WTIP: variants seen among roughly 807,000 people sequenced by gnomAD.
WTIP encodes WT1 interacting protein, also known as Wilms tumor protein 1-interacting protein.
In WTIP, 23 loss-of-function variants were observed where a neutral mutation model predicts 41.7. The observed-to-expected ratio is 0.55, with a 90% CI of 0.40 to 0.78. The LOEUF (loss-of-function observed/expected upper bound fraction) is 0.78. Among genes scored for constraint, WTIP ranks in the 30% least tolerant of loss-of-function variants. The pLI is 0.00. For synonymous variants in WTIP, 314 were observed against 269.9 expected (o/e 1.16, Z -1.60); for missense variants, 619 against 610.5 (o/e 1.01, Z -0.15).
In WTIP at chr19:34,493,172, G is replaced by A. The variant is rs1007067858; in HGVS notation, c.837+68G>A. 6.8e-6 allele frequency: 11 copies of A among 1,612,736 alleles called. No homozygotes were observed. Among genetic ancestry groups the A allele is most frequent in the Non-Finnish European group, 9.3e-6 (11 of 1,178,950 alleles). The stretch of plus-strand genomic sequence containing the variant: ...GGGGCAGGGACCCTCATTCTGACTC[G>A]AGTGGAGACCTGAGGCCAGGAGGCA... On this transcript the variant is annotated intron_variant, in intron 3 of 7. Coordinates refer to ENST00000590071, the MANE Select transcript of WTIP (RefSeq NM_001080436.2). This position sits in a 1 kb window ranked among gnomAD's most constrained non-coding sequence, Gnocchi z 4.1.
At chr19:34,483,230 C>T (rs1300268113) in intron 1 of WTIP, among the ~76,000 whole-genome samples, 1 of 147,450 alleles carries the variant, frequency 6.8e-6, no homozygotes, top group Non-Finnish European at 1.5e-5. Context: ...CCCTATGTTG[C>T]CCAGGCTGGT....
rs1008012801 is a variant in WTIP, at chr19:34,510,756, A to G, written c.*10487A>G. The G allele has an allele frequency of 4.6e-5, 7 of 152,242 alleles. No homozygotes were observed. Among genetic ancestry groups the G allele is most frequent in the African/African-American group, 1.7e-4 (7 of 41,464 alleles). 9.4% of individuals were successfully genotyped at this position (152,242 alleles called of 1,614,324 possible). On this transcript the variant is annotated 3_prime_UTR_variant, in exon 8 of 8. Transcript: ENST00000590071. The stretch of plus-strand genomic sequence containing the variant: ...TTTCTGCTTAGAAATTTCTTCTGCC[A>G]GATACCCTAAATTATCTCTCTCAAG...
chr19:34,488,056 C>T (rs906505902), intron 1 of WTIP, among the ~76,000 whole-genome samples: 11 of 152,134 alleles, frequency 7.2e-5, no homozygotes, highest in Non-Finnish European at 1.6e-4. Flanking sequence ...CAGCAGCGAC[C>T]CTCATGTCTG....
At chr19:34,495,210 G>A (rs963452067) in intron 6 of WTIP, among the ~76,000 whole-genome samples, 2 of 152,032 alleles carry the variant, frequency 1.3e-5, no homozygotes, top group African/African-American at 2.4e-5. Context: ...AGCCTGGGCC[G>A]CCTAGTGAGA....
chr19:34,483,190 T>C (rs2075779340), intron 1 of WTIP, among the ~76,000 whole-genome samples: 1 of 133,534 alleles, frequency 7.5e-6, no homozygotes, highest in Non-Finnish European at 1.5e-5. Context: ...TTACTTTTTT[T>C]TTTTTTTTTT....
At chr19:34,499,196 C>T (rs1035758087) in intron 7 of WTIP, among the ~76,000 whole-genome samples, 4 of 150,594 alleles carry the variant, frequency 2.7e-5, no homozygotes, top group Non-Finnish European at 5.9e-5. Context: ...GCCTGGGCGA[C>T]AGAGTGAGAC....
At position 34,482,018 on chromosome 19, in the gene WTIP, T is replaced by C; in HGVS notation, c.44T>C (p.Leu15Pro). ...RAGADEAALL[L>P]AGLALRELEP... Reference sequence around the variant, plus strand: ...GGCGCGGACGAGGCGGCCCTACTCCTGGCCGGGCTGGCCCTGCGGGAGCTG... The same window carrying C: ...GGCGCGGACGAGGCGGCCCTACTCCCGGCCGGGCTGGCCCTGCGGGAGCTG... The change falls in exon 1 of 8, where the codon CTG becomes CCG. Residue 15 changes from leucine (L) to proline (P), a missense_variant. This residue lies in a region of WTIP where 363 missense variants were observed against 309.0 expected (regional missense o/e 1.17). Transcript: ENST00000590071. 2.0e-6 allele frequency: 2 copies of C among 1,022,382 alleles called. No individual in the cohort carries two copies. The highest frequency in any genetic ancestry group is 2.3e-6 in the Non-Finnish European group (2 of 855,500). The allele number at this position is 1,022,382 out of a possible 1,614,324, so 63.3% of individuals were successfully genotyped here.
At position 34,500,155 on chromosome 19, in the gene WTIP, G is replaced by A. The variant is rs2075876919; in HGVS notation, c.1179G>A (p.Glu393=). 1.2e-6 allele frequency: 2 copies of A among 1,600,974 alleles called. No homozygotes were observed. The highest frequency in any genetic ancestry group is 4.5e-5 in the East Asian group (2 of 44,864). ...ACTGCGGGCTGCAGCTGAGCGGGGA[G>A]GAGGGACGCCGTTGCTATCCCCTGG... ...CEDCGLQLSG[E]EGRRCYPLAG... The change falls in exon 8 of 8, where the codon GAG becomes GAA. Residue 393 remains glutamate, a synonymous_variant. Transcript: ENST00000590071.
rs2075879718 is a variant in WTIP at position 34,500,535 on chromosome 19, G to A, written c.*266G>A. 2 of 430,368 alleles carry A rather than the reference G, an allele frequency of 4.6e-6. No individual in the cohort carries two copies. The highest frequency in any genetic ancestry group is 7.9e-5 in the Admixed American group (2 of 25,406). The allele number at this position is 430,368 out of a possible 1,614,324, so 26.7% of individuals were successfully genotyped here. ...CCCTGTGCCCTGCAGCCTCAGGGTA[G>A]GCCGTGGGTCACCAGGCTGGAGAGG... On this transcript the variant is annotated 3_prime_UTR_variant, in exon 8 of 8. Coordinates refer to ENST00000590071, the MANE Select transcript of WTIP (RefSeq NM_001080436.2).
intron 7 of WTIP, among the ~76,000 whole-genome samples, chr19:34,496,675 T>C (rs796250682): frequency 6.9e-4 from 32 of 46,248 alleles, no homozygotes; most frequent in African/African-American, 2.6e-3. Context: ...TGTGGGGGGT[T>C]GGGGGTTGGG....
intron 5 of WTIP, 116 bp from the exon 6 acceptor site, chr19:34,494,470 G>GGA: frequency 1.0e-6 from 1 of 954,498 alleles, no homozygotes; most frequent in Non-Finnish European, 1.7e-6. Context: ...GTGCACACAG[G>GGA]GAGAGAGGGC....
intron 7 of WTIP, among the ~76,000 whole-genome samples, chr19:34,498,133 C>G (rs1171233303): frequency 6.6e-6 from 1 of 152,150 alleles, no homozygotes; most frequent in Non-Finnish European, 1.5e-5. Context: ...CAGCCCAGCT[C>G]CCTTCCCTGC....
chr19:34,485,501 C>G (rs913587406), intron 1 of WTIP, among the ~76,000 whole-genome samples: 1 of 152,142 alleles, frequency 6.6e-6, no homozygotes, highest in Non-Finnish European at 1.5e-5. Context: ...CAGAATAATA[C>G]AGCATTTTAC....
chr19:34,492,065 C>T (rs1222446359), intron 2 of WTIP, among the ~76,000 whole-genome samples: 2 of 151,124 alleles, frequency 1.3e-5, no homozygotes, highest in Non-Finnish European at 2.9e-5. Flanking sequence ...AAATGCATTC[C>T]TATAGTGCAT....
Position 34,481,912 on chromosome 19 carries a change from C to G in WTIP, c.-63C>G, listed in dbSNP as rs1397797479. On this transcript the variant is annotated 5_prime_UTR_variant, in exon 1 of 8. Coordinates refer to ENST00000590071, the MANE Select transcript of WTIP (RefSeq NM_001080436.2). Reference sequence around the variant, plus strand: ...GGCTTCGGGCGGACGATGCGGCGGCCCGGCCGGAGCGGCGGCGGGAAGCGG... The same window carrying G: ...GGCTTCGGGCGGACGATGCGGCGGCGCGGCCGGAGCGGCGGCGGGAAGCGG... 1 of 953,152 alleles carries G rather than the reference C, an allele frequency of 1.0e-6. No individual in the cohort carries two copies. The highest frequency in any genetic ancestry group is 1.2e-6 in the Non-Finnish European group (1 of 801,586). 59.0% of individuals were successfully genotyped at this position (953,152 alleles called of 1,614,324 possible).
intron 1 of WTIP, among the ~76,000 whole-genome samples, chr19:34,486,444 C>T (rs1000735870): frequency 5.3e-5 from 8 of 151,494 alleles, no homozygotes; most frequent in Non-Finnish European, 8.8e-5. Context: ...CTCAGCTCAC[C>T]GCAACCTCCG....
chr19:34,488,554 T>C (rs1373023957), intron 1 of WTIP, among the ~76,000 whole-genome samples: 1 of 151,456 alleles, frequency 6.6e-6, no homozygotes, highest in Non-Finnish European at 1.5e-5. Flanking sequence ...TTTGTAGAGA[T>C]GAGGGTCTCG....
Position 34,482,162 on chromosome 19 carries a change from C to T in WTIP, c.188C>T (p.Ala63Val). The change falls in exon 1 of 8, where the codon GCG (alanine) becomes GTG (valine). Residue 63 changes from alanine to valine, a missense_variant. Physicochemically the swap from Ala to Val is moderately conservative, Grantham distance 64 (BLOSUM62 0). This residue lies in a region of WTIP where 363 missense variants were observed against 309.0 expected (regional missense o/e 1.17). Coordinates refer to ENST00000590071, the MANE Select transcript of WTIP (RefSeq NM_001080436.2). ...GGCAGCGGCGGCCCCGAGGCCGGGGCGGACGGACTGAGCCGCGGGGAGCGG... is the reference window on the plus strand; with the variant it reads ...GGCAGCGGCGGCCCCGAGGCCGGGGTGGACGGACTGAGCCGCGGGGAGCGG... Reference protein sequence around the residue: ...GKGSGGPEAGADGLSRGERGP... With the variant: ...GKGSGGPEAGVDGLSRGERGP... 9.3e-7 allele frequency: 1 copy of T among 1,078,186 alleles called. No individual in the cohort carries two copies. Among genetic ancestry groups the T allele is most frequent in the Non-Finnish European group, 1.1e-6 (1 of 891,836 alleles). 66.8% of individuals were successfully genotyped at this position (1,078,186 alleles called of 1,614,324 possible).
chr19:34,510,253 TTCTGAA>T lies in WTIP; in HGVS notation c.*9985_*9990del, dbSNP rs1350687036. The T allele has an allele frequency of 6.8e-6, 1 of 147,424 alleles. No individual in the cohort carries two copies. The highest frequency in any genetic ancestry group is 1.5e-5 in the Non-Finnish European group (1 of 64,768). The allele number at this position is 147,424 out of a possible 1,614,324, so 9.1% of individuals were successfully genotyped here. On this transcript the variant is annotated 3_prime_UTR_variant, in exon 8 of 8. Coordinates refer to ENST00000590071, the MANE Select transcript of WTIP (RefSeq NM_001080436.2). The stretch of plus-strand genomic sequence containing the variant: ...GGGCATCCAGGCATTTTCATACATC[TTCTGAA>T]ATCTAGATGGAGGTTCCCAAACCTC...
Sources: allele counts gnomAD v4.1 joint callset (sites outside exome capture counted in the v4.1 genomes callset), GRCh38; gene constraint gnomAD v4.1.1; regional missense constraint gnomAD v4.1.1; non-coding constraint Gnocchi (gnomAD v3.1); transcripts MANE v1.5; gene names NCBI Gene and HGNC (gene_info 2026-07-23, HGNC 2026-07-21).